The following ZNF345 variants were observed in gnomAD, a reference collection of about 807,000 sequenced individuals.
ZNF345 encodes zinc finger protein 345, also known as zinc finger protein HZF10.
For synonymous variants in ZNF345, 166 were observed against 187.9 expected (o/e 0.88, Z 0.95); for missense variants, 527 against 589.9 (o/e 0.89, Z 1.10).
At chr19:36,892,973 G>A (rs1273121074) in exon 4 of ZNF345, 2 of 455,674 alleles carry the variant, frequency 4.4e-6, no homozygotes, top group Non-Finnish European at 7.3e-6. Context: ...CTGCTCCAGG[G>A]CATGCACCAT....
chr19:36,887,618 A>C (rs1170572868), intron 3 of ZNF345, among the ~76,000 whole-genome samples: 2 of 152,224 alleles, frequency 1.3e-5, no homozygotes, highest in African/African-American at 4.8e-5. Flanking sequence ...TGATTTGAGT[A>C]ATGTTATTAC....
intron 3 of ZNF345, chr19:36,892,099 T>G: frequency 6.2e-7 from 1 of 1,614,104 alleles, no homozygotes; most frequent in Non-Finnish European, 8.5e-7. Flanking sequence ...GTGAATCCTC[T>G]GATGTTGAGA....
At chr19:36,875,595 G>A (rs1219696344) in intron 2 of ZNF345, among the ~76,000 whole-genome samples, 1 of 152,132 alleles carries the variant, frequency 6.6e-6, no homozygotes, top group Non-Finnish European at 1.5e-5. Context: ...ATATCACTCT[G>A]GGTGCTAAGG....
At chr19:36,856,249 C>G (rs2072416528) in intron 2 of ZNF345, among the ~76,000 whole-genome samples, 1 of 152,120 alleles carries the variant, frequency 6.6e-6, no homozygotes, top group African/African-American at 2.4e-5. Flanking sequence ...CATTTAGAAC[C>G]AGGATTGTGA....
chr19:36,854,143 C>T lies in ZNF345; in HGVS notation c.-47+2239C>T, dbSNP rs977918588. Among the ~76,000 whole-genome samples, 8 of 151,674 alleles carry T rather than the reference C, an allele frequency of 5.3e-5. No individual in the cohort carries two copies. The South Asian group carries it at 6.2e-4, about 12-fold the overall frequency. On this transcript the variant is annotated intron_variant, in intron 2 of 2. Coordinates refer to ENST00000420450, the MANE Select transcript of ZNF345 (RefSeq NM_001242472.2). ...CTAGACAAGTAGGAATCACGTAATT[C>T]GTTGTACAGAGTATTCCTTTGGCAT...
intron 3 of ZNF345, chr19:36,892,578 C>G: frequency 1.6e-6 from 2 of 1,244,160 alleles, no homozygotes; most frequent in East Asian, 2.4e-5. Flanking sequence ...AGAAATTACA[C>G]AGTTTTCAAA....
intron 2 of ZNF345, among the ~76,000 whole-genome samples, chr19:36,875,996 T>C (rs1282073418): frequency 6.6e-6 from 1 of 152,204 alleles, no homozygotes; most frequent in Non-Finnish European, 1.5e-5. Context: ...TATCTTCATC[T>C]TTCTTGCAGT....
chr19:36,870,825 A>G (rs929994405), intron 2 of ZNF345, among the ~76,000 whole-genome samples: 2 of 152,084 alleles, frequency 1.3e-5, no homozygotes, highest in Non-Finnish European at 2.9e-5. Flanking sequence ...TTTTTATACT[A>G]CATACCAAGT....
At position 36,877,470 on chromosome 19, in the gene ZNF345, G is replaced by A; in HGVS notation, c.640G>A (p.Gly214Ser). The A allele has an allele frequency of 6.2e-7, 1 of 1,614,084 alleles. No homozygotes were observed. Among genetic ancestry groups the A allele is most frequent in the Non-Finnish European group, 8.5e-7 (1 of 1,180,010 alleles). ...CIDCGKAFGS[G>S]SNLTQHRRIH... is the part of the protein sequence containing the mutation. ...AGATTGTGGTAAAGCCTTTGGCAGT[G>A]GTTCAAACCTTACTCAACATCGGCG... The change falls in exon 3 of 3, where the codon GGT (glycine) becomes AGT (serine). Residue 214 changes from glycine to serine, a missense_variant. Transcript: ENST00000420450.
rs143836991 is a variant in ZNF345 at position 36,884,615 on chromosome 19, T to G, written c.46+7739T>G. Among the ~76,000 whole-genome samples the G allele has an allele frequency of 1.7e-3, 259 of 152,346 alleles. 1 individual carries two copies. The highest frequency in any genetic ancestry group is 2.6e-3 in the Non-Finnish European group (176 of 68,024). On this transcript the variant is annotated intron_variant, in intron 3 of 3. Transcript: ENST00000526123. ...ATATACTGCCCACATAGCTGACCTT[T>G]GTCTTTCTGCCCTTCTTGCTGGTTT...
intron 3 of ZNF345, chr19:36,892,796 A>AT (rs774351036): frequency 1.6e-5 from 9 of 567,730 alleles, no homozygotes; most frequent in Middle Eastern, 3.9e-4. Context: ...AAAAAAAAAA[A>AT]TTTTTTTTGC....
intron 3 of ZNF345, chr19:36,890,505 A>G (rs1279450843): frequency 6.6e-6 from 1 of 151,906 alleles, no homozygotes; most frequent in Non-Finnish European, 1.5e-5. Context: ...ATCCTTTATC[A>G]TTATAAATGA....
At chr19:36,865,169 G>A (rs755771567) in intron 2 of ZNF345, among the ~76,000 whole-genome samples, 2 of 152,174 alleles carry the variant, frequency 1.3e-5, no homozygotes, top group Non-Finnish European at 2.9e-5. Flanking sequence ...CTGCCAGCAA[G>A]CATGCCAGAA....
At chr19:36,891,307 T>C in intron 3 of ZNF345, 1 of 571,204 alleles carries the variant, frequency 1.8e-6, no homozygotes, top group Non-Finnish European at 2.9e-6. Context: ...GGCTCTAAAC[T>C]ATGAGAGAAT....
At chr19:36,883,589 C>T (rs921850554), downstream of ZNF345, among the ~76,000 whole-genome samples, 2 of 152,254 alleles carry the variant, frequency 1.3e-5, no homozygotes, top group African/African-American at 4.8e-5. Flanking sequence ...TATGTAAGCA[C>T]TGCCCAGACT....
intron 2 of ZNF345, among the ~76,000 whole-genome samples, chr19:36,865,673 G>T (rs145356361): frequency 1.6e-4 from 24 of 152,182 alleles, no homozygotes; most frequent in Non-Finnish European, 2.9e-4. Context: ...TATATCTTTT[G>T]AATTTTTCCA....
At chr19:36,883,359 T>A (rs2072979559), downstream of ZNF345, among the ~76,000 whole-genome samples, 1 of 152,200 alleles carries the variant, frequency 6.6e-6, no homozygotes, top group South Asian at 2.1e-4. Context: ...CCCTAAAGAT[T>A]GAAGTTTTCT....
At chr19:36,858,481 A>C (rs2146136698) in intron 2 of ZNF345, among the ~76,000 whole-genome samples, 1 of 152,250 alleles carries the variant, frequency 6.6e-6, no homozygotes, top group Non-Finnish European at 1.5e-5. Flanking sequence ...AAACTACCCA[A>C]GAGGCAGGGT....
At chr19:36,882,154 TTGTG>T (rs1420626331), downstream of ZNF345, among the ~76,000 whole-genome samples, 1 of 152,154 alleles carries the variant, frequency 6.6e-6, no homozygotes. Flanking sequence ...TTCTTTTTAT[TTGTG>T]TGTATTTCTG....
Sources: allele counts gnomAD v4.1 joint callset (sites outside exome capture counted in the v4.1 genomes callset), GRCh38; gene constraint gnomAD v4.1.1; transcripts MANE v1.5; gene names NCBI Gene and HGNC (gene_info 2026-07-23, HGNC 2026-07-21).